The following CNTN4 variants were observed in gnomAD, a reference collection of about 807,000 sequenced individuals.
The protein encoded by CNTN4 is contactin 4.
CNTN4 carries 77 observed loss-of-function variants against 122.5 expected under a neutral mutation model. The ratio of observed to expected loss-of-function variants is 0.63; its 90% CI spans 0.52 to 0.76. CNTN4 has a LOEUF of 0.76. Ranked by LOEUF, CNTN4 falls within the 30% of genes least tolerant of loss-of-function variation. The pLI, the probability that CNTN4 is intolerant of heterozygous loss-of-function variation, is 0.00. For missense variants in CNTN4, 1,256 were observed against 1,259.1 expected, an observed-to-expected ratio of 1.00 and a Z score of 0.04; for synonymous variants, 512 against 447.0, an observed-to-expected ratio of 1.15 and a Z score of -1.83.
At chr3:2,290,856 GGGTCTGAACTT>G (rs1420519669) in intron 2 of CNTN4, among the ~76,000 whole-genome samples, 2 of 152,052 alleles carry the variant, frequency 1.3e-5, no homozygotes, top group Non-Finnish European at 2.9e-5. Context: ...CAGAAACTTC[GGGTCTGAACTT>G]TGTAGAGTTT....
intron 3 of CNTN4, among the ~76,000 whole-genome samples, chr3:2,482,910 G>A (rs888136737): frequency 3.3e-5 from 5 of 152,210 alleles, no homozygotes; most frequent in African/African-American, 1.2e-4. Context: ...CTAGGGTAGT[G>A]TGAAAGGGAA....
intron 4 of CNTN4, among the ~76,000 whole-genome samples, chr3:2,625,120 C>A (rs2082133254): frequency 6.6e-6 from 1 of 151,984 alleles, no homozygotes. Context: ...GAGCTTAATC[C>A]ATAATTGCCA....
intron 6 of CNTN4, among the ~76,000 whole-genome samples, chr3:2,756,652 A>G (rs996688862): frequency 1.3e-5 from 2 of 152,314 alleles, no homozygotes; most frequent in African/African-American, 2.4e-5. Flanking sequence ...AATCACCCAG[A>G]TGGACCATAA....
At chr3:2,583,642 A>G (rs2080047300) in intron 4 of CNTN4, among the ~76,000 whole-genome samples, 1 of 152,240 alleles carries the variant, frequency 6.6e-6, no homozygotes, top group Non-Finnish European at 1.5e-5. Flanking sequence ...TGTAGAAGAT[A>G]TGACTTTTTA....
chr3:2,977,991 C>G (rs1166125326), intron 13 of CNTN4, among the ~76,000 whole-genome samples: 1 of 152,044 alleles, frequency 6.6e-6, no homozygotes, highest in Admixed American at 6.5e-5. Flanking sequence ...ACAAGGAACA[C>G]CAAAAAACAA....
chr3:2,446,499 T>G (rs1032741735), intron 3 of CNTN4, among the ~76,000 whole-genome samples: 1 of 152,342 alleles, frequency 6.6e-6, no homozygotes. Flanking sequence ...TCATACCAAT[T>G]ATTTTCTCAT....
intron 14 of CNTN4, among the ~76,000 whole-genome samples, chr3:3,010,397 GT>G (rs1481356767): frequency 2.0e-5 from 3 of 150,796 alleles, no homozygotes; most frequent in African/African-American, 7.3e-5. Context: ...TAATCATCCA[GT>G]TGCTTTCCAG....
At chr3:2,629,669 C>G (rs2082345046) in intron 4 of CNTN4, 1 of 361,514 alleles carries the variant, frequency 2.8e-6, no homozygotes. Flanking sequence ...CTGTAGGCCA[C>G]TAATATTCCT....
intron 10 of CNTN4, among the ~76,000 whole-genome samples, chr3:2,893,773 A>G (rs2094073741): frequency 6.6e-6 from 1 of 152,186 alleles, no homozygotes; most frequent in South Asian, 2.1e-4. Flanking sequence ...TTATTCACCA[A>G]TGAATATTGT....
intron 2 of CNTN4, among the ~76,000 whole-genome samples, chr3:2,216,664 T>C (rs1377614570): frequency 6.6e-6 from 1 of 152,166 alleles, no homozygotes; most frequent in Non-Finnish European, 1.5e-5. Flanking sequence ...AACCCCCAAA[T>C]TTTCATAGTG....
intron 14 of CNTN4, among the ~76,000 whole-genome samples, chr3:3,003,657 G>A (rs1225696510): frequency 8.6e-6 from 1 of 115,914 alleles, no homozygotes; most frequent in African/African-American, 3.2e-5. Flanking sequence ...GAAATATTCT[G>A]GAATTAGATA....
chr3:2,507,490 C>G (rs1202072286), intron 3 of CNTN4, among the ~76,000 whole-genome samples: 3 of 151,928 alleles, frequency 2.0e-5, no homozygotes, highest in Non-Finnish European at 2.9e-5. Flanking sequence ...CCCGATCACT[C>G]TGGGAGGTGA....
At chr3:2,865,995 T>A (rs1315699619) in intron 7 of CNTN4, among the ~76,000 whole-genome samples, 5 of 152,180 alleles carry the variant, frequency 3.3e-5, no homozygotes, top group Non-Finnish European at 7.4e-5. Context: ...TTTTTTAATA[T>A]GGATGTATAT....
chr3:2,991,463 G>A (rs1040527086), intron 14 of CNTN4, among the ~76,000 whole-genome samples: 4 of 151,998 alleles, frequency 2.6e-5, no homozygotes, highest in African/African-American at 9.7e-5. Flanking sequence ...TGAGGTGGGG[G>A]AAAAAAGTTT....
chr3:2,542,852 A>C (rs1340537197), intron 3 of CNTN4, among the ~76,000 whole-genome samples: 2 of 152,152 alleles, frequency 1.3e-5, no homozygotes, highest in Non-Finnish European at 2.9e-5. Flanking sequence ...GGACTGACTC[A>C]GTGCTCTTTG....
At chr3:2,452,439 T>A (rs536790040) in intron 3 of CNTN4, among the ~76,000 whole-genome samples, 1 of 152,204 alleles carries the variant, frequency 6.6e-6, no homozygotes, top group African/African-American at 2.4e-5. Context: ...TAGAGAGAGA[T>A]TCTATTTGGG....
rs79483720 is a variant in CNTN4, at chr3:2,780,371, C to T, written c.358+34674C>T. 4.1e-3 allele frequency among the ~76,000 whole-genome samples: 621 copies of T among 152,238 alleles called. 6 individuals carry two copies. Among genetic ancestry groups the T allele is most frequent in the African/African-American group, 0.015 (603 of 41,530 alleles). ...GATTCCTTGCCCTCTCAGCCCTGTT[C>T]CCCTAAAAACATGTTTAAAATCTCT... On this transcript the variant is annotated intron_variant, in intron 6 of 24. Coordinates refer to ENST00000418658, the MANE Select transcript of CNTN4 (RefSeq NM_175607.3).
intron 3 of CNTN4, among the ~76,000 whole-genome samples, chr3:2,564,247 T>A (rs189797824): frequency 1.9e-4 from 29 of 152,278 alleles, no homozygotes; most frequent in African/African-American, 6.0e-4. Flanking sequence ...GTTCAAGCAT[T>A]CCTTTAATAA....
chr3:2,451,523 T>C (rs1294273857), intron 3 of CNTN4, among the ~76,000 whole-genome samples: 5 of 151,642 alleles, frequency 3.3e-5, no homozygotes, highest in Admixed American at 1.3e-4. Flanking sequence ...TATATGTATT[T>C]TTATATAGAT....
Sources: gnomAD v4.1 joint callset for allele counts (sites outside exome capture counted in the v4.1 genomes callset) on GRCh38, gnomAD v4.1.1 for gene constraint, MANE v1.5 for transcripts, NCBI Gene and HGNC (gene_info 2026-07-23, HGNC 2026-07-21) for gene names.